The following PCDH15 variants were observed in gnomAD, a reference collection of about 807,000 sequenced individuals.
The protein encoded by PCDH15 is protocadherin-15.
A neutral mutation model predicts 178.5 loss-of-function variants in PCDH15; 129 were observed. That is an observed-to-expected ratio of 0.72 (90% CI 0.63 to 0.84). The LOEUF is 0.84. Ranked by LOEUF, PCDH15 falls within the 40% of genes least tolerant of loss-of-function variation. The pLI is 0.00. For missense variants in PCDH15, 2,230 were observed against 2,099.9 expected, an observed-to-expected ratio of 1.06 and a Z score of -1.21; for synonymous variants, 800 against 732.0, an observed-to-expected ratio of 1.09 and a Z score of -1.50.
chr10:55,264,267 A>C (rs566341103), intron 1 of PCDH15, among the ~76,000 whole-genome samples: 1 of 152,238 alleles, frequency 6.6e-6, no homozygotes, highest in South Asian at 2.1e-4. Flanking sequence ...GAGGCATCCA[A>C]AGCCAGGCCA....
chr10:54,337,326 AT>A (rs1044483055), intron 6 of PCDH15, among the ~76,000 whole-genome samples: 104 of 152,094 alleles, frequency 6.8e-4, no homozygotes, highest in Middle Eastern at 3.4e-3. Context: ...AGGACATGAG[AT>A]TTGGGAGGTG....
chr10:53,813,118 T>C (rs943420520), intron 35 of PCDH15, among the ~76,000 whole-genome samples: 4 of 152,184 alleles, frequency 2.6e-5, no homozygotes, highest in African/African-American at 7.2e-5. Context: ...ACTAGGATCA[T>C]ATTTTTACAT....
chr10:55,463,816 A>G (rs182227040), intron 2 of PCDH15, among the ~76,000 whole-genome samples: 2 of 151,486 alleles, frequency 1.3e-5, no homozygotes, highest in East Asian at 3.9e-4. Context: ...AATAATTTAA[A>G]TTAATTAATT....
chr10:55,322,461 C>G (rs180817484), upstream of PCDH15, among the ~76,000 whole-genome samples: 1 of 152,206 alleles, frequency 6.6e-6, no homozygotes, highest in East Asian at 1.9e-4. Flanking sequence ...GAGGCTGGAA[C>G]AGTTTGGAGG....
At chr10:54,775,668 C>G (rs1277311832) in intron 1 of PCDH15, among the ~76,000 whole-genome samples, 1 of 152,078 alleles carries the variant, frequency 6.6e-6, no homozygotes, top group Non-Finnish European at 1.5e-5. Context: ...GAGGCCGAGG[C>G]GGGCGGATCA....
At chr10:55,500,699 C>A (rs1247620553) in intron 2 of PCDH15, among the ~76,000 whole-genome samples, 1 of 151,746 alleles carries the variant, frequency 6.6e-6, no homozygotes, top group African/African-American at 2.4e-5. Context: ...GTCTACACTA[C>A]CTAATATTTC....
intron 21 of PCDH15, among the ~76,000 whole-genome samples, chr10:53,963,061 A>G (rs1052064027): frequency 4.6e-5 from 7 of 152,226 alleles, no homozygotes; most frequent in African/African-American, 1.7e-4. Flanking sequence ...AAGAAGAAGT[A>G]AGAACATTAC....
Position 53,871,526 on chromosome 10 carries a change from A to G in PCDH15, c.3502-4669T>C, listed in dbSNP as rs79371842. 5.5e-4 allele frequency among the ~76,000 whole-genome samples: 84 copies of G among 151,406 alleles called. No individual in the cohort carries two copies. The East Asian group carries it at 0.011, about 19-fold the overall frequency. ...TATGACCAAGTCCAGTGTAACTATTATAGTTACCTAAGTTGTCATAATGGT... is the reference window on the plus strand; with the variant it reads ...TATGACCAAGTCCAGTGTAACTATTGTAGTTACCTAAGTTGTCATAATGGT... On this transcript the variant is annotated intron_variant, in intron 26 of 37. Coordinates refer to ENST00000644397, the MANE Select transcript of PCDH15 (RefSeq NM_001384140.1).
chr10:54,338,154 A>G (rs919079027), intron 6 of PCDH15, among the ~76,000 whole-genome samples: 1 of 152,178 alleles, frequency 6.6e-6, no homozygotes, highest in African/African-American at 2.4e-5. Flanking sequence ...TTGAAACTTA[A>G]AAGTCACAGC....
At chr10:55,299,924 T>A (rs1161811377) in intron 1 of PCDH15, among the ~76,000 whole-genome samples, 1 of 152,204 alleles carries the variant, frequency 6.6e-6, no homozygotes, top group Non-Finnish European at 1.5e-5. Flanking sequence ...ATGCGGCATG[T>A]CACATAAAGA....
chr10:54,212,617 C>T (rs1456922397), intron 10 of PCDH15, among the ~76,000 whole-genome samples: 1 of 152,062 alleles, frequency 6.6e-6, no homozygotes. Context: ...GTGTCGTTAC[C>T]GCTTTTTACA....
At chr10:54,334,647 T>C (rs1025194712) in intron 6 of PCDH15, among the ~76,000 whole-genome samples, 1 of 151,514 alleles carries the variant, frequency 6.6e-6, no homozygotes, top group African/African-American at 2.4e-5. Flanking sequence ...CTGTGATGAC[T>C]AGAAATTCAG....
intron 2 of PCDH15, among the ~76,000 whole-genome samples, chr10:55,360,435 G>C (rs1845200317): frequency 6.6e-6 from 1 of 151,788 alleles, no homozygotes; most frequent in Non-Finnish European, 1.5e-5. Flanking sequence ...AGACCATTAA[G>C]ACAGTAAGTA....
chr10:53,855,379 G>A (rs778409941), intron 28 of PCDH15, among the ~76,000 whole-genome samples: 1 of 151,962 alleles, frequency 6.6e-6, no homozygotes, highest in Admixed American at 6.6e-5. Flanking sequence ...AGTATAATCA[G>A]CTATTATTTT....
chr10:55,120,833 G>A (rs563688350), intron 2 of PCDH15, among the ~76,000 whole-genome samples: 7 of 152,232 alleles, frequency 4.6e-5, no homozygotes, highest in Non-Finnish European at 8.8e-5. Flanking sequence ...TCTTCATGGC[G>A]TTTGCATACT....
chr10:54,150,883 A>G (rs1465714842), intron 14 of PCDH15, among the ~76,000 whole-genome samples: 1 of 152,124 alleles, frequency 6.6e-6, no homozygotes, highest in African/African-American at 2.4e-5. Flanking sequence ...CAAGCATATA[A>G]TATCAGCTTA....
At position 55,163,991 on chromosome 10, in the gene PCDH15, T is replaced by C. The variant is rs542137238; in HGVS notation, c.-80+2585A>G. On this transcript the variant is annotated intron_variant, in intron 2 of 5. Transcript: ENST00000458638. ...TACTTTCTTAATAAATCAATTCTTG[T>C]ACAAGGGTCAAGAACCTTCTCTTGG... 4.6e-5 allele frequency among the ~76,000 whole-genome samples: 7 copies of C among 152,260 alleles called. No homozygotes were observed. In the South Asian group the frequency reaches 1.4e-3, roughly 32 times the overall value.
intron 2 of PCDH15, among the ~76,000 whole-genome samples, chr10:54,624,210 A>G (rs770348885): frequency 2.6e-5 from 4 of 152,188 alleles, no homozygotes; most frequent in Non-Finnish European, 4.4e-5. Flanking sequence ...TAAATAAATT[A>G]TAATGCTCTA....
At chr10:54,461,117 T>G (rs1273352522) in intron 3 of PCDH15, among the ~76,000 whole-genome samples, 2 of 152,062 alleles carry the variant, frequency 1.3e-5, no homozygotes, top group Non-Finnish European at 2.9e-5. Context: ...GACTATGCAA[T>G]TCAGAAGCAA....
Sources: allele counts gnomAD v4.1 joint callset (sites outside exome capture counted in the v4.1 genomes callset), GRCh38; gene constraint gnomAD v4.1.1; transcripts MANE v1.5; gene names NCBI Gene and HGNC (gene_info 2026-07-23, HGNC 2026-07-21).